Variants in RHCG observed in about 807,000 individuals in gnomAD.
RHCG encodes ammonium transporter Rh type C.
In RHCG, 39 loss-of-function variants were observed where a neutral mutation model predicts 55.3. The observed-to-expected ratio is 0.70, with a 90% CI of 0.55 to 0.92. The LOEUF is 0.92. Among genes scored for constraint, RHCG ranks in the 40% least tolerant of loss-of-function variants. RHCG has a pLI of 0.00. For synonymous variants in RHCG, 250 were observed against 246.8 expected (o/e 1.01, Z -0.12); for missense variants, 635 against 627.9 (o/e 1.01, Z -0.12).
chr15:89,496,554 G>T lies in RHCG; in HGVS notation c.-10C>A, dbSNP rs573629911. ...TGGTGTTCCAGGCCATGCTGCAGGG[G>T]TGCCTGGCCGGGCTGGCAGCGGGCG... On this transcript the variant is annotated 5_prime_UTR_variant, in exon 1 of 11. Coordinates refer to ENST00000268122, the MANE Select transcript of RHCG (RefSeq NM_016321.3). 3.6e-5 allele frequency: 58 copies of T among 1,603,412 alleles called. No individual in the cohort carries two copies. The African/African-American group carries it at 5.5e-4, about 15-fold the overall frequency.
At chr15:89,472,635 G>C (rs1961059290) in intron 10 of RHCG, 76 bp downstream of exon 10, 2 of 1,426,240 alleles carry the variant, frequency 1.4e-6, no homozygotes, top group Non-Finnish European at 1.9e-6. Context: ...CTCTTTGCTA[G>C]TAACATCTGA....
At position 89,479,315 on chromosome 15, in the gene RHCG, T is replaced by C; in HGVS notation, c.837+7A>G. On this transcript the variant is annotated splice_region_variant and intron_variant, in intron 5 of 10. Transcript: ENST00000268122. ...CAGAGCCACACCCCCAACGCCCTCA[T>C]GCTCACCATGTCCAGCTTGCCCTTC... is the stretch of plus-strand genomic sequence containing the variant. 1 of 1,611,538 alleles carries C rather than the reference T, an allele frequency of 6.2e-7. No individual in the cohort carries two copies. Among genetic ancestry groups the C allele is most frequent in the Non-Finnish European group, 8.5e-7 (1 of 1,178,712 alleles).
intron 5 of RHCG, among the ~76,000 whole-genome samples, chr15:89,478,467 A>C (rs1299335054): frequency 6.6e-6 from 1 of 152,138 alleles, no homozygotes; most frequent in Non-Finnish European, 1.5e-5. Context: ...ACAAGTCTGC[A>C]AGGTGAGGAC....
rs1220030280 is a variant in RHCG, at chr15:89,474,844, TCCTG to T, written c.1311+1907_1311+1910del. ...TGCCTTCCTTCCTGCCTGCCTTCCTTCCTGCCTGCCTGCCTTCCTTCCTGCCTGC... is the reference window on the plus strand; with the variant it reads ...TGCCTTCCTTCCTGCCTGCCTTCCTTCCTGCCTGCCTTCCTTCCTGCCTGC... On this transcript the variant is annotated intron_variant, in intron 9 of 10. Transcript: ENST00000268122. Among the ~76,000 whole-genome samples, 60 of 122,884 alleles carry T rather than the reference TCCTG, an allele frequency of 4.9e-4. 1 individual carries two copies. Among genetic ancestry groups the T allele is most frequent in the African/African-American group, 1.4e-3 (45 of 32,232 alleles). 80.6% of individuals were successfully genotyped at this position (122,884 alleles called of 152,430 possible). A position where few individuals can be genotyped will look rare whatever the true frequency, so the allele number is the denominator to read the frequency against.
chr15:89,486,597 A>AGAGAGAGGGT (rs1555461989), intron 2 of RHCG: 1 of 309,534 alleles, frequency 3.2e-6, no homozygotes, highest in Non-Finnish European at 6.2e-6. Flanking sequence ...AGAGAGAGAG[A>AGAGAGAGGGT]GAGTGTGTGT....
rs749362920 is a variant in RHCG at position 89,496,466 on chromosome 15, C to G, written c.79G>C (p.Gly27Arg). ...LLQVIMVILF[G>R]VFVRYDFEAD... ...TCGAAGTCGTAGCGCACGAACACCC[C>G]GAAGAGAATCACCATAATCACCTGC... The change falls in exon 1 of 11, where the codon GGG becomes CGG. Residue 27 changes from glycine to arginine, a missense_variant. By Grantham distance (125) the Gly-to-Arg change is moderately radical (BLOSUM62 -2). Coordinates refer to ENST00000268122, the MANE Select transcript of RHCG (RefSeq NM_016321.3). 29 of 1,613,996 alleles carry G rather than the reference C, an allele frequency of 1.8e-5. No individual in the cohort carries two copies. The highest frequency in any genetic ancestry group is 2.5e-5 in the Non-Finnish European group (29 of 1,179,944).
At chr15:89,490,465 G>A (rs1463558638) in intron 1 of RHCG, among the ~76,000 whole-genome samples, 3 of 152,324 alleles carry the variant, frequency 2.0e-5, no homozygotes, top group Admixed American at 6.5e-5. Context: ...CTCAATGTGC[G>A]CAAATGATTT....
chr15:89,480,719 C>T (rs955723361), intron 3 of RHCG, among the ~76,000 whole-genome samples: 1 of 152,190 alleles, frequency 6.6e-6, no homozygotes, highest in African/African-American at 2.4e-5. Flanking sequence ...CTGAGGGAAA[C>T]AACCTACCTG....
chr15:89,492,920 C>T (rs77113915), intron 1 of RHCG, among the ~76,000 whole-genome samples: 1,626 of 152,272 alleles, frequency 0.011, 24 homozygotes, highest in East Asian at 0.041. Context: ...GAGTGCCCTA[C>T]CAGTCACCTG....
intron 1 of RHCG, among the ~76,000 whole-genome samples, chr15:89,490,262 C>T (rs1236437242): frequency 6.6e-6 from 1 of 152,240 alleles, no homozygotes; most frequent in Non-Finnish European, 1.5e-5. Flanking sequence ...CCCTGAGGCC[C>T]AGGCCAAGGC....
At chr15:89,482,940 C>T in intron 3 of RHCG, 127 bp downstream of exon 3, 1 of 925,574 alleles carries the variant, frequency 1.1e-6, no homozygotes. Context: ...GATGAGAAAA[C>T]TGAGTGACGT....
intron 4 of RHCG, chr15:89,479,845 G>T: frequency 2.7e-6 from 1 of 376,648 alleles, no homozygotes; most frequent in Non-Finnish European, 4.9e-6. Flanking sequence ...CTGGAGGGCA[G>T]GGCTGGGTTT....
chr15:89,476,538 G>C (rs1315349505), intron 9 of RHCG, among the ~76,000 whole-genome samples: 3 of 152,180 alleles, frequency 2.0e-5, no homozygotes, highest in Admixed American at 2.0e-4. Flanking sequence ...TGTGCAGAAA[G>C]AGAGGTACAC....
At chr15:89,483,901 C>T (rs1022653003) in intron 2 of RHCG, among the ~76,000 whole-genome samples, 4 of 152,196 alleles carry the variant, frequency 2.6e-5, no homozygotes, top group African/African-American at 4.8e-5. Context: ...ACCCTGCCAG[C>T]CCAGCAGAGG....
intron 3 of RHCG, among the ~76,000 whole-genome samples, chr15:89,481,375 G>A (rs1033193262): frequency 2.0e-5 from 3 of 152,106 alleles, no homozygotes; most frequent in South Asian, 4.2e-4. Flanking sequence ...GCTTGAACCC[G>A]GGAGGCAGAG....
intron 9 of RHCG, among the ~76,000 whole-genome samples, chr15:89,473,824 A>T (rs1961083992): frequency 6.6e-6 from 1 of 152,188 alleles, no homozygotes; most frequent in African/African-American, 2.4e-5. Context: ...GGACGTCTGT[A>T]CTGCTCAAGG....
Position 89,477,152 on chromosome 15 carries a change from T to A in RHCG, c.1167A>T (p.Thr389=), listed in dbSNP as rs1371195121. ...QGFNGDWTAR[T]QGKFQIYGLL... ...GACCATAAATCTGGAACTTTCCCTG[T>A]GTTCTTGCGGTCCAGTCCCCGTTGA... Residue 389 remains threonine, a synonymous_variant, in exon 8 of 11, where the codon ACA becomes ACT. Transcript: ENST00000268122. This position sits in a 1 kb window ranked among gnomAD's most constrained non-coding sequence, Gnocchi z 4.5. 1 of 1,614,036 alleles carries A rather than the reference T, an allele frequency of 6.2e-7. No individual in the cohort carries two copies. The highest frequency in any genetic ancestry group is 1.3e-5 in the African/African-American group (1 of 75,008).
intron 2 of RHCG, 180 bp downstream of exon 2, chr15:89,486,619 T>A (rs1961373964): frequency 1.8e-5 from 10 of 552,112 alleles, no homozygotes; most frequent in Admixed American, 1.3e-4. Context: ...TGTGTGTGTG[T>A]GTGTGTGTGT....
chr15:89,491,681 C>T (rs1484199358), intron 1 of RHCG, among the ~76,000 whole-genome samples: 3 of 152,116 alleles, frequency 2.0e-5, no homozygotes, highest in African/African-American at 7.2e-5. Flanking sequence ...GCAGGAGAAT[C>T]ACTTGAACCC....
Sources: gnomAD v4.1 joint callset for allele counts (sites outside exome capture counted in the v4.1 genomes callset) on GRCh38, gnomAD v4.1.1 for gene constraint, Gnocchi (gnomAD v3.1) non-coding constraint, MANE v1.5 for transcripts, NCBI Gene and HGNC (gene_info 2026-07-23, HGNC 2026-07-21) for gene names.